The following PDZD2 variants were observed in gnomAD, a reference collection of about 807,000 sequenced individuals.
PDZD2 encodes PDZ domain containing 2.
In PDZD2, 90 loss-of-function variants were observed where a neutral mutation model predicts 220.7. The observed-to-expected ratio is 0.41, with a 90% CI of 0.34 to 0.49. The LOEUF is 0.49. Among genes scored for constraint, PDZD2 ranks in the 20% least tolerant of loss-of-function variants. The pLI is 0.28. For synonymous variants in PDZD2, 1,375 were observed against 1,450.5 expected (o/e 0.95, Z 1.18); for missense variants, 3,174 against 3,608.5 (o/e 0.88, Z 3.08).
chr5:31,740,349 T>C (rs1179008355), intron 1 of PDZD2, among the ~76,000 whole-genome samples: 1 of 129,844 alleles, frequency 7.7e-6, no homozygotes, highest in African/African-American at 3.0e-5. Flanking sequence ...TGAAACCCCA[T>C]CTCTACTAAA....
chr5:31,784,000 G>A (rs1280227000), intron 1 of PDZD2, among the ~76,000 whole-genome samples: 2 of 152,148 alleles, frequency 1.3e-5, no homozygotes, highest in East Asian at 3.8e-4. Flanking sequence ...CTGTGGCACT[G>A]GGACGCTGCC....
At chr5:31,741,652 G>A (rs1750273911) in intron 1 of PDZD2, among the ~76,000 whole-genome samples, 1 of 152,148 alleles carries the variant, frequency 6.6e-6, no homozygotes, top group Non-Finnish European at 1.5e-5. Context: ...TCTCTTGGAA[G>A]AGGAATGGAC....
chr5:32,052,455 G>T, intron 8 of PDZD2, 156 bp from the exon 9 acceptor site: 1 of 690,424 alleles, frequency 1.4e-6, no homozygotes, highest in South Asian at 1.8e-5. Context: ...ACCTGCGATA[G>T]TATTTATAGG....
intron 2 of PDZD2, chr5:31,847,340 C>A: frequency 2.6e-6 from 1 of 383,334 alleles, no homozygotes; most frequent in Non-Finnish European, 4.9e-6. Context: ...TAGAAGACGA[C>A]AAGAGGGTAA....
intron 6 of PDZD2, among the ~76,000 whole-genome samples, chr5:32,032,238 A>G (rs1324690388): frequency 6.6e-6 from 1 of 152,178 alleles, no homozygotes; most frequent in Non-Finnish European, 1.5e-5. Context: ...GCAGTGGTGA[A>G]TTCCAGAGGC....
At chr5:31,670,936 A>G (rs1246625242) in intron 1 of PDZD2, among the ~76,000 whole-genome samples, 1 of 151,794 alleles carries the variant, frequency 6.6e-6, no homozygotes, top group Non-Finnish European at 1.5e-5. Flanking sequence ...CCCCACCAAG[A>G]CCCCTGGACT....
intron 6 of PDZD2, among the ~76,000 whole-genome samples, chr5:32,029,660 C>A (rs1754972903): frequency 6.6e-6 from 1 of 152,196 alleles, no homozygotes; most frequent in Admixed American, 6.5e-5. Flanking sequence ...CCTGACCAAC[C>A]TTTGCACCAG....
chr5:31,845,549 T>C, intron 2 of PDZD2, among the ~76,000 whole-genome samples: 1 of 152,182 alleles, frequency 6.6e-6, no homozygotes, highest in East Asian at 1.9e-4. Flanking sequence ...CCTGCACAGA[T>C]TAGAATGTTC....
chr5:31,788,387 C>T (rs921951921), intron 1 of PDZD2, among the ~76,000 whole-genome samples: 5 of 151,048 alleles, frequency 3.3e-5, no homozygotes, highest in African/African-American at 7.3e-5. Context: ...TAAAAAAGGC[C>T]GGGCACAGTG....
chr5:31,868,776 T>G (rs980504491), intron 2 of PDZD2, among the ~76,000 whole-genome samples: 1 of 152,164 alleles, frequency 6.6e-6, no homozygotes, highest in African/African-American at 2.4e-5. Context: ...AGGTGAGTTT[T>G]TTTGTTTGTT....
chr5:31,722,138 C>T (rs1366992438), intron 1 of PDZD2, among the ~76,000 whole-genome samples: 1 of 152,234 alleles, frequency 6.6e-6, no homozygotes, highest in Non-Finnish European at 1.5e-5. Flanking sequence ...AGACCGTTCT[C>T]ACTGTAGCCA....
Position 32,089,809 on chromosome 5 carries a change from C to G in PDZD2, c.6361C>G (p.Gln2121Glu). 6.2e-7 allele frequency: 1 copy of G among 1,614,122 alleles called. No homozygotes were observed. The highest frequency in any genetic ancestry group is 2.2e-5 in the East Asian group (1 of 44,876). The change falls in exon 20 of 25, where the codon CAG (glutamine) becomes GAG (glutamate). Residue 2121 changes from glutamine (Q) to glutamate (E), a missense_variant. Transcript: ENST00000438447. ...CGACAGACGGGGAGGGTGCTTGGCC[C>G]AGGGCAACTGTCAGGAGAAGAGTGA... ...ESDRRGGCLA[Q>E]GNCQEKSEIR... is the part of the protein sequence containing the mutation.
Position 31,652,830 on chromosome 5 carries a change from G to T in PDZD2, c.-361+13393G>T, listed in dbSNP as rs550600508. 2.0e-5 allele frequency among the ~76,000 whole-genome samples: 3 copies of T among 152,246 alleles called. No homozygotes were observed. In the East Asian group the frequency reaches 5.8e-4, roughly 29 times the overall value. ...GTTCGAGACCAGCCTGGCCAACATGGTGAAACCCCACTTCTGCTAAAAATA... is the reference window on the plus strand; with the variant it reads ...GTTCGAGACCAGCCTGGCCAACATGTTGAAACCCCACTTCTGCTAAAAATA... On this transcript the variant is annotated intron_variant, in intron 1 of 24. Coordinates refer to ENST00000438447, the MANE Select transcript of PDZD2 (RefSeq NM_178140.4).
rs981217035 is a variant in PDZD2 at position 31,863,356 on chromosome 5, C to T, written c.476+63632C>T. Among the ~76,000 whole-genome samples, 7 of 152,302 alleles carry T rather than the reference C, an allele frequency of 4.6e-5. No homozygotes were observed. The East Asian group carries it at 1.2e-3, about 25-fold the overall frequency. On this transcript the variant is annotated intron_variant, in intron 2 of 24. Coordinates refer to ENST00000438447, the MANE Select transcript of PDZD2 (RefSeq NM_178140.4). Reference sequence around the variant, plus strand: ...ATTTTTGTAGCTTTTCCCAGGGGTTCCTGTTAAGCATTAGTTGGCAGGGAA... The same window carrying T: ...ATTTTTGTAGCTTTTCCCAGGGGTTTCTGTTAAGCATTAGTTGGCAGGGAA...
chr5:31,917,519 C>A (rs1211327639), intron 2 of PDZD2, among the ~76,000 whole-genome samples: 1 of 152,068 alleles, frequency 6.6e-6, no homozygotes, highest in Non-Finnish European at 1.5e-5. Flanking sequence ...CAGAGTGAGA[C>A]CCTTTCTCAA....
At chr5:32,080,720 T>A (rs1041225338) in intron 19 of PDZD2, among the ~76,000 whole-genome samples, 1 of 152,168 alleles carries the variant, frequency 6.6e-6, no homozygotes, top group African/African-American at 2.4e-5. Flanking sequence ...ACATATACAC[T>A]ATGGAATACT....
intron 2 of PDZD2, among the ~76,000 whole-genome samples, chr5:31,894,058 CTTTTTTTTTTTTT>C (rs35969573): frequency 1.4e-5 from 1 of 69,760 alleles, no homozygotes; most frequent in Non-Finnish European, 2.5e-5. Flanking sequence ...CCACGCCCAG[CTTTTTTTTTTTTT>C]TTTTTTTTTT....
intron 2 of PDZD2, among the ~76,000 whole-genome samples, chr5:31,835,303 G>T (rs1430174346): frequency 1.3e-5 from 2 of 152,148 alleles, no homozygotes; most frequent in Non-Finnish European, 2.9e-5. Context: ...GTGCTGTGCT[G>T]TTCTATTTAA....
chr5:31,819,573 T>C (rs950249437), intron 2 of PDZD2, among the ~76,000 whole-genome samples: 2 of 148,418 alleles, frequency 1.3e-5, no homozygotes, highest in Non-Finnish European at 3.0e-5. Context: ...AGGAGAGTCG[T>C]TCGAACCTGG....
Sources: gnomAD v4.1 joint callset for allele counts (sites outside exome capture counted in the v4.1 genomes callset) on GRCh38, gnomAD v4.1.1 for gene constraint, MANE v1.5 for transcripts, NCBI Gene and HGNC (gene_info 2026-07-23, HGNC 2026-07-21) for gene names.